Variants in DLGAP2 observed in about 807,000 individuals in gnomAD.
DLGAP2 encodes the protein DLG associated protein 2.
DLGAP2 carries 26 observed loss-of-function variants against 100.3 expected under a neutral mutation model. The ratio of observed to expected loss-of-function variants is 0.26; its 90% confidence interval spans 0.19 to 0.36. The LOEUF (loss-of-function observed/expected upper bound fraction) is 0.36, where lower values mean the gene tolerates loss of function less well. DLGAP2 is among the 10% of genes least tolerant of loss of function. The probability of loss-of-function intolerance (pLI) is 1.00; values close to 1 mark genes in which losing one functional copy is unlikely to be tolerated. For missense variants in DLGAP2, 1,858 were observed against 1,453.2 expected, an observed-to-expected ratio of 1.28 and a Z score of -4.53; for synonymous variants, 886 against 630.1, an observed-to-expected ratio of 1.41 and a Z score of -6.08.
chr8:1,552,997 G>A lies in DLGAP2; in HGVS notation c.1230+3314G>A, dbSNP rs565675042. On this transcript the variant is annotated intron_variant, in intron 5 of 14. Transcript: ENST00000637795. ...CATTGTAGGAATGCAGAACGGATTC[G>A]CCGTGGCTTAGCTCAGGATGCCAAA... Among the ~76,000 whole-genome samples, 156 of 152,162 alleles carry A rather than the reference G, an allele frequency of 1.0e-3. 1 individual carries two copies. Among genetic ancestry groups the A allele is most frequent in the Non-Finnish European group, 1.9e-3 (126 of 68,034 alleles).
At chr8:1,165,669 A>G (rs1011773260) in intron 2 of DLGAP2, among the ~76,000 whole-genome samples, 1 of 151,998 alleles carries the variant, frequency 6.6e-6, no homozygotes, top group Non-Finnish European at 1.5e-5. Flanking sequence ...TTTTAATTTT[A>G]TTTGTCGAAT....
At chr8:1,031,486 A>C (rs1801971032) in intron 2 of DLGAP2, among the ~76,000 whole-genome samples, 1 of 152,062 alleles carries the variant, frequency 6.6e-6, no homozygotes, top group Non-Finnish European at 1.5e-5. Flanking sequence ...ATCACAGCTC[A>C]GTACAGCCTC....
intron 3 of DLGAP2, among the ~76,000 whole-genome samples, chr8:1,412,813 C>T (rs977724450): frequency 6.6e-6 from 1 of 152,254 alleles, no homozygotes; most frequent in African/African-American, 2.4e-5. Context: ...CAGCCCTCCC[C>T]AGCAGATGGC....
chr8:1,185,403 C>T (rs920419563), intron 2 of DLGAP2, among the ~76,000 whole-genome samples: 3 of 152,018 alleles, frequency 2.0e-5, no homozygotes, highest in Non-Finnish European at 4.4e-5. Context: ...TACAAGGTGA[C>T]CCCTAAGGCC....
chr8:1,552,547 C>G (rs1187912555), intron 5 of DLGAP2, among the ~76,000 whole-genome samples: 1 of 152,204 alleles, frequency 6.6e-6, no homozygotes, highest in Non-Finnish European at 1.5e-5. Flanking sequence ...CAGGGCTGTC[C>G]CTTCCTGTCA....
chr8:1,635,853 G>A (rs1003256754), intron 8 of DLGAP2, among the ~76,000 whole-genome samples: 5 of 152,184 alleles, frequency 3.3e-5, no homozygotes, highest in Admixed American at 1.3e-4. Flanking sequence ...CCCAGAGGAC[G>A]TCTGTTGGTT....
At chr8:840,580 C>T (rs375548147) in intron 1 of DLGAP2, among the ~76,000 whole-genome samples, 1 of 90,292 alleles carries the variant, frequency 1.1e-5, no homozygotes, top group Admixed American at 1.1e-4. Flanking sequence ...CGGTGCACGC[C>T]TGCACGTCTC....
At chr8:764,761 G>T (rs748717366) in intron 1 of DLGAP2, among the ~76,000 whole-genome samples, 1 of 152,130 alleles carries the variant, frequency 6.6e-6, no homozygotes, top group Non-Finnish European at 1.5e-5. Flanking sequence ...TGTGTAAGGG[G>T]CTCATAACTT....
intron 3 of DLGAP2, among the ~76,000 whole-genome samples, chr8:1,259,968 A>T (rs945499485): frequency 5.3e-5 from 8 of 152,216 alleles, no homozygotes; most frequent in Non-Finnish European, 1.2e-4. Flanking sequence ...GTACATTTTT[A>T]AATCATAAGC....
intron 2 of DLGAP2, among the ~76,000 whole-genome samples, chr8:1,215,965 G>C (rs572096567): frequency 6.6e-6 from 1 of 151,876 alleles, no homozygotes; most frequent in Admixed American, 6.5e-5. Flanking sequence ...ACCTGGAGAC[G>C]TCCAGGTACC....
intron 2 of DLGAP2, among the ~76,000 whole-genome samples, chr8:1,121,227 G>T (rs533601694): frequency 8.7e-4 from 101 of 116,254 alleles, no homozygotes; most frequent in African/African-American, 3.1e-3. Flanking sequence ...TCCTTGTCCA[G>T]TTAGAACCCA....
intron 2 of DLGAP2, among the ~76,000 whole-genome samples, chr8:1,064,803 G>A (rs73540074): frequency 3.9e-5 from 6 of 152,184 alleles, no homozygotes; most frequent in Non-Finnish European, 7.3e-5. Flanking sequence ...AGGGACAAAT[G>A]CTTATTAGGA....
chr8:974,306 A>G (rs1198586706), intron 2 of DLGAP2, among the ~76,000 whole-genome samples: 1 of 152,250 alleles, frequency 6.6e-6, no homozygotes, highest in African/African-American at 2.4e-5. Context: ...GGTAAGGATA[A>G]GAATTACTTA....
At chr8:1,333,071 A>G (rs1330856097) in intron 3 of DLGAP2, among the ~76,000 whole-genome samples, 2 of 152,118 alleles carry the variant, frequency 1.3e-5, no homozygotes, top group Non-Finnish European at 2.9e-5. Context: ...TGGTGTCTGG[A>G]GGAGGTCAGG....
chr8:1,317,497 G>T (rs1800785868), intron 3 of DLGAP2, among the ~76,000 whole-genome samples: 1 of 141,520 alleles, frequency 7.1e-6, no homozygotes, highest in Non-Finnish European at 1.5e-5. Flanking sequence ...GTCTACACTC[G>T]AGACACTTGG....
At chr8:1,084,758 C>G (rs1803920034) in intron 2 of DLGAP2, among the ~76,000 whole-genome samples, 1 of 152,188 alleles carries the variant, frequency 6.6e-6, no homozygotes, top group African/African-American at 2.4e-5. Flanking sequence ...GTACACCACA[C>G]TTCCTTTATT....
At chr8:1,248,318 G>A (rs779754963) in intron 2 of DLGAP2, among the ~76,000 whole-genome samples, 1 of 70,524 alleles carries the variant, frequency 1.4e-5, no homozygotes, top group African/African-American at 7.3e-5. Flanking sequence ...AATGGCCCAC[G>A]TCGGTGGCCG....
chr8:1,156,116 C>T (rs865953436), intron 2 of DLGAP2, among the ~76,000 whole-genome samples: 6 of 152,140 alleles, frequency 3.9e-5, no homozygotes, highest in African/African-American at 9.7e-5. Flanking sequence ...TTTCAGGGGC[C>T]GCAGGTGCAG....
At chr8:803,823 A>G (rs771772911) in intron 1 of DLGAP2, among the ~76,000 whole-genome samples, 1 of 152,230 alleles carries the variant, frequency 6.6e-6, no homozygotes, top group Non-Finnish European at 1.5e-5. Flanking sequence ...TGAGCACATT[A>G]TGTTTGCACT....
Sources: gnomAD v4.1 joint callset for allele counts (sites outside exome capture counted in the v4.1 genomes callset) on GRCh38, gnomAD v4.1.1 for gene constraint, MANE v1.5 for transcripts, NCBI Gene and HGNC (gene_info 2026-07-23, HGNC 2026-07-21) for gene names.